Variants in IQSEC1 observed in about 807,000 individuals in gnomAD.
The protein encoded by IQSEC1 is IQ motif and SEC7 domain-containing protein 1.
IQSEC1 carries 31 observed loss-of-function variants against 91.0 expected under a neutral mutation model. The observed-to-expected ratio is 0.34, with a 90% confidence interval of 0.26 to 0.46. The LOEUF (loss-of-function observed/expected upper bound fraction) is 0.46, where lower values mean the gene tolerates loss of function less well. Among genes scored for constraint, IQSEC1 ranks in the 20% least tolerant of loss-of-function variants. The pLI is 1.00. For missense variants in IQSEC1, 1,388 were observed against 1,575.6 expected (o/e 0.88, Z 2.02); for synonymous variants, 699 against 662.6 (o/e 1.05, Z -0.84).
At chr3:13,014,230 A>G (rs1206008265) in intron 1 of IQSEC1, among the ~76,000 whole-genome samples, 1 of 152,128 alleles carries the variant, frequency 6.6e-6, no homozygotes, top group Non-Finnish European at 1.5e-5. Context: ...TGCCCTGGTA[A>G]ATCTCTCAGT....
At chr3:13,066,239 C>T (rs767374733) in intron 1 of IQSEC1, among the ~76,000 whole-genome samples, 29 of 152,186 alleles carry the variant, frequency 1.9e-4, no homozygotes, top group Admixed American at 1.3e-4. Context: ...ATCTGCACAA[C>T]GCAACAGTGT....
intron 1 of IQSEC1, among the ~76,000 whole-genome samples, chr3:13,055,717 G>A (rs1021540109): frequency 9.9e-5 from 15 of 152,176 alleles, no homozygotes; most frequent in African/African-American, 3.1e-4. Flanking sequence ...CCACTAACCC[G>A]GTCCAGAGCT....
intron 1 of IQSEC1, among the ~76,000 whole-genome samples, chr3:13,197,033 A>T (rs77513348): frequency 0.09 from 13,709 of 152,116 alleles, 864 homozygotes; most frequent in Non-Finnish European, 0.13. Flanking sequence ...TTGCCACGAC[A>T]CTGCCTCCAC....
At chr3:13,140,564 G>C (rs1207544484) in intron 2 of IQSEC1, among the ~76,000 whole-genome samples, 2 of 152,242 alleles carry the variant, frequency 1.3e-5, no homozygotes, top group Admixed American at 1.3e-4. Flanking sequence ...CTCAGCAAGA[G>C]GGATTCCCAT....
intron 1 of IQSEC1, among the ~76,000 whole-genome samples, chr3:13,173,051 A>T (rs1482605116): frequency 1.3e-5 from 2 of 152,242 alleles, no homozygotes; most frequent in Non-Finnish European, 2.9e-5. Flanking sequence ...GCCACTTTTC[A>T]CCAAACCAGC....
intron 1 of IQSEC1, among the ~76,000 whole-genome samples, chr3:13,003,263 C>G (rs957966198): frequency 7.2e-6 from 1 of 138,170 alleles, no homozygotes; most frequent in African/African-American, 2.7e-5. Context: ...CAAAGTGAGA[C>G]CCCTGTCTCT....
At chr3:13,166,448 G>A (rs1040062975) in intron 1 of IQSEC1, among the ~76,000 whole-genome samples, 6 of 152,198 alleles carry the variant, frequency 3.9e-5, no homozygotes, top group African/African-American at 1.4e-4. Context: ...GGGACGCCAG[G>A]GGACAAGCAC....
At position 12,908,454 on chromosome 3, in the gene IQSEC1, C is replaced by T. The variant is rs1163017684; in HGVS notation, c.2650G>A (p.Gly884Ser). The stretch of plus-strand genomic sequence containing the variant: ...CAGGCCCGGCTCAGTGTTCCGTTGC[C>T]CGACTCCTTTTTGAGGCTAGAGCAC... ...SQCSSLKKES[G>S]NGTLSRACLD... Residue 884 changes from glycine (G) to serine (S), a missense_variant, in exon 12 of 14, where the codon GGC (glycine) becomes AGC (serine). Transcript: ENST00000613206. This position sits in a 1 kb window ranked among gnomAD's most constrained non-coding sequence, Gnocchi z 4.9. 1.2e-6 allele frequency: 2 copies of T among 1,613,604 alleles called. No homozygotes were observed. Among genetic ancestry groups the T allele is most frequent in the Non-Finnish European group, 1.7e-6 (2 of 1,180,036 alleles).
intron 1 of IQSEC1, among the ~76,000 whole-genome samples, chr3:12,981,496 G>A (rs1376921929): frequency 6.6e-6 from 1 of 152,066 alleles, no homozygotes; most frequent in Non-Finnish European, 1.5e-5. Flanking sequence ...GTGTTGTTTC[G>A]TCACAATTCC....
At chr3:13,195,814 A>G (rs534667975) in intron 1 of IQSEC1, among the ~76,000 whole-genome samples, 3 of 152,292 alleles carry the variant, frequency 2.0e-5, no homozygotes, top group African/African-American at 7.2e-5. Flanking sequence ...TATACCCACA[A>G]ATGAGTACAA....
chr3:13,134,205 C>G (rs964814829), intron 2 of IQSEC1, among the ~76,000 whole-genome samples: 1 of 152,206 alleles, frequency 6.6e-6, no homozygotes, highest in Non-Finnish European at 1.5e-5. Flanking sequence ...AGTTGCCCCT[C>G]GTCAGGGCTG....
In IQSEC1 at chr3:13,220,837, T is replaced by C. The variant is rs149866296; in HGVS notation, c.273-56704A>G. 3.4e-3 allele frequency among the ~76,000 whole-genome samples: 517 copies of C among 152,274 alleles called. 5 individuals are homozygous for C. Among genetic ancestry groups the C allele is most frequent in the African/African-American group, 0.011 (466 of 41,556 alleles). ...AGGCCGGCCAAACACTCCTCACATA[T>C]CCACTGGCATCTAGATCTGCGTGGA... On this transcript the variant is annotated intron_variant, in intron 1 of 15. Coordinates refer to the IQSEC1 transcript ENST00000648114.
chr3:12,927,874 G>C (rs535599717), intron 3 of IQSEC1, among the ~76,000 whole-genome samples: 1 of 152,226 alleles, frequency 6.6e-6, no homozygotes, highest in Non-Finnish European at 1.5e-5. Flanking sequence ...GTGCTGAGGT[G>C]GGTGGGGAGA....
At chr3:13,261,785 A>G (rs1695393459) in intron 1 of IQSEC1, among the ~76,000 whole-genome samples, 2 of 152,214 alleles carry the variant, frequency 1.3e-5, no homozygotes, top group South Asian at 2.1e-4. Flanking sequence ...CACACAGCTC[A>G]GTTCCTTCCA....
intron 6 of IQSEC1, among the ~76,000 whole-genome samples, chr3:12,919,177 T>C (rs1051828838): frequency 6.6e-6 from 1 of 152,238 alleles, no homozygotes; most frequent in African/African-American, 2.4e-5. Flanking sequence ...AAGTGTCCAC[T>C]GGTGGCCCTC....
rs751932837 is a variant in IQSEC1, at chr3:13,100,552, G to A, written c.303-53030C>T. 2.0e-5 allele frequency among the ~76,000 whole-genome samples: 3 copies of A among 148,572 alleles called. 1 individual carries two copies. The highest frequency in any genetic ancestry group is 7.6e-5 in the African/African-American group (3 of 39,328). Reference sequence around the variant, plus strand: ...CTCTTGCAGCTAGAGTTGGGACAGCGGCGGGCGCCCAGGCAACTACAAGGT... The same window carrying A: ...CTCTTGCAGCTAGAGTTGGGACAGCAGCGGGCGCCCAGGCAACTACAAGGT... On this transcript the variant is annotated intron_variant, in intron 2 of 15. Transcript: ENST00000648114.
At chr3:13,142,927 TG>T (rs1706825539) in intron 2 of IQSEC1, among the ~76,000 whole-genome samples, 1 of 152,216 alleles carries the variant, frequency 6.6e-6, no homozygotes, top group Admixed American at 6.5e-5. Context: ...CAGCTGCCCC[TG>T]CCTGGGACAC....
chr3:12,903,881 TATC>T (rs1694666413), intron 12 of IQSEC1, among the ~76,000 whole-genome samples: 1 of 152,174 alleles, frequency 6.6e-6, no homozygotes. Flanking sequence ...ACTGTGTCCA[TATC>T]AGAGAGAGGA....
At chr3:13,218,120 T>C (rs569936543) in intron 1 of IQSEC1, among the ~76,000 whole-genome samples, 1 of 152,262 alleles carries the variant, frequency 6.6e-6, no homozygotes, top group Admixed American at 6.5e-5. Flanking sequence ...ATGCAGAGGC[T>C]GGGAACCTTG....
Sources: gnomAD v4.1 joint callset for allele counts (sites outside exome capture counted in the v4.1 genomes callset) on GRCh38, gnomAD v4.1.1 for gene constraint, Gnocchi (gnomAD v3.1) non-coding constraint, MANE v1.5 for transcripts, NCBI Gene and HGNC (gene_info 2026-07-23, HGNC 2026-07-21) for gene names.